CCT7: variants seen among roughly 807,000 people sequenced by gnomAD.
CCT7 encodes chaperonin containing TCP1 subunit 7.
CCT7 carries 16 observed loss-of-function variants against 56.6 expected under a neutral mutation model. That is an observed-to-expected ratio of 0.28 (90% CI 0.19 to 0.43). The LOEUF (loss-of-function observed/expected upper bound fraction) is 0.43, where lower values mean the gene tolerates loss of function less well. CCT7 is among the 20% of genes least tolerant of loss of function. The pLI is 1.00. For missense variants in CCT7, 519 were observed against 685.6 expected (o/e 0.76, Z 2.71); for synonymous variants, 262 against 254.8 (o/e 1.03, Z -0.27).
intron 2 of CCT7, 179 bp from the exon 3 acceptor site, chr2:73,240,258 T>C: frequency 2.3e-6 from 1 of 425,856 alleles, no homozygotes; most frequent in Non-Finnish European, 4.1e-6. Flanking sequence ...AAGCTTGTGA[T>C]TTTAGACCCT....
intron 1 of CCT7, among the ~76,000 whole-genome samples, chr2:73,236,315 A>G (rs1043565836): frequency 6.6e-6 from 1 of 152,064 alleles, no homozygotes; most frequent in Non-Finnish European, 1.5e-5. Flanking sequence ...CCTGTGGCCA[A>G]TTACTGGAGT....
Position 73,234,323 on chromosome 2 carries a change from G to C in CCT7, c.-56G>C. ...TGCGCGAGGCATTGTGGGTTGCTGGGCGGCCCGGTCTCGGAGAAGAGGGGA... is the reference window on the plus strand; with the variant it reads ...TGCGCGAGGCATTGTGGGTTGCTGGCCGGCCCGGTCTCGGAGAAGAGGGGA... On this transcript the variant is annotated 5_prime_UTR_variant, in exon 1 of 12. Coordinates refer to ENST00000258091, the MANE Select transcript of CCT7 (RefSeq NM_006429.4). 1.2e-6 allele frequency: 2 copies of C among 1,611,884 alleles called. No individual in the cohort carries two copies. The highest frequency in any genetic ancestry group is 3.3e-5 in the Admixed American group (2 of 60,028).
Position 73,239,782 on chromosome 2 carries a change from T to C in CCT7, c.146T>C (p.Ile49Thr), listed in dbSNP as rs1687026075. ...GGTCCCCGTGGCATGGACAAGCTTA[T>C]TGTAGATGGCAGAGGTAAGTCTACA... Reference protein sequence around the residue: ...TLGPRGMDKLIVDGRGKATIS... With the variant: ...TLGPRGMDKLTVDGRGKATIS... Residue 49 changes from isoleucine to threonine, a missense_variant, in exon 2 of 12, where the codon ATT becomes ACT. This residue lies in a region of CCT7 where 276 missense variants were observed against 357.3 expected (regional missense o/e 0.77). Coordinates refer to ENST00000258091, the MANE Select transcript of CCT7 (RefSeq NM_006429.4). 1.2e-6 allele frequency: 2 copies of C among 1,613,964 alleles called. No individual in the cohort carries two copies. Among genetic ancestry groups the C allele is most frequent in the South Asian group, 2.2e-5 (2 of 91,076 alleles).
At chr2:73,241,552 A>T (rs1483546074) in intron 3 of CCT7, among the ~76,000 whole-genome samples, 2 of 152,124 alleles carry the variant, frequency 1.3e-5, no homozygotes, top group Non-Finnish European at 2.9e-5. Flanking sequence ...GGAGTTTGAG[A>T]TCAGCCTGGG....
intron 6 of CCT7, among the ~76,000 whole-genome samples, chr2:73,245,635 C>G (rs181537416): frequency 6.6e-6 from 1 of 152,346 alleles, no homozygotes; most frequent in East Asian, 1.9e-4. Flanking sequence ...TTTTCAGTCT[C>G]TGGCCTGCTT....
At chr2:73,238,686 A>G (rs1254795403) in intron 1 of CCT7, among the ~76,000 whole-genome samples, 1 of 152,384 alleles carries the variant, frequency 6.6e-6, no homozygotes, top group East Asian at 1.9e-4. Context: ...GTCACACACA[A>G]AATTAGCCAG....
intron 9 of CCT7, 75 bp downstream of exon 9, chr2:73,249,991 C>T (rs867611537): frequency 2.0e-6 from 2 of 1,021,742 alleles, no homozygotes; most frequent in African/African-American, 3.1e-5. Flanking sequence ...CTGTGGTATA[C>T]AGCTTTTACA....
Position 73,249,101 on chromosome 2 carries a change from G to C in CCT7, c.894G>C (p.Val298=). The C allele has an allele frequency of 6.2e-7, 1 of 1,614,104 alleles. No individual in the cohort carries two copies. The highest frequency in any genetic ancestry group is 1.7e-5 in the Admixed American group (1 of 60,028). ...TGTCCAAACTCCCCATTGGGGATGT[G>C]GCCACCCAGTACTTTGCTGACAGGG... ...VVLSKLPIGD[V]ATQYFADRDM... Residue 298 remains valine (V), a synonymous_variant, in exon 8 of 12, where the codon GTG becomes GTC. Transcript: ENST00000258091.
intron 5 of CCT7, chr2:73,244,264 T>C: frequency 1.6e-6 from 1 of 624,382 alleles, no homozygotes; most frequent in Non-Finnish European, 2.8e-6. Flanking sequence ...GCAATCCCTC[T>C]ATGTGCCTGG....
Position 73,240,419 on chromosome 2 carries a change from T to C in CCT7, c.161-18T>C, listed in dbSNP as rs1687055765. 6.3e-7 allele frequency: 1 copy of C among 1,590,764 alleles called. No individual in the cohort carries two copies. The highest frequency in any genetic ancestry group is 1.1e-5 in the South Asian group (1 of 90,048). ...CATTTAAGAAAGGGGCTTTAGATTT[T>C]TGTTTGTTTCTTTTAAGGCAAAGCA... On this transcript the variant is annotated intron_variant, in intron 2 of 11. Coordinates refer to ENST00000258091, the MANE Select transcript of CCT7 (RefSeq NM_006429.4).
rs769701233 is a variant in CCT7, at chr2:73,252,833, G to A, written c.1604G>A (p.Arg535Gln). 16 of 1,613,746 alleles carry A rather than the reference G, an allele frequency of 9.9e-6. No individual in the cohort carries two copies. Among genetic ancestry groups the A allele is most frequent in the Non-Finnish European group, 1.3e-5 (15 of 1,179,854 alleles). The change falls in exon 12 of 12, where the codon CGG becomes CAG. Residue 535 changes from arginine (R) to glutamine (Q), a missense_variant. By Grantham distance (43) the Arg-to-Gln change is conservative. Around this residue, in one of 3 missense-constraint regions of CCT7, gnomAD observed 237 missense variants for 300.8 expected, o/e 0.79. Coordinates refer to ENST00000258091, the MANE Select transcript of CCT7 (RefSeq NM_006429.4). ...GTGGATGCTCCCACAGCAGCAGGCC[G>A]GGGCCGTGGTCGTGGCCGCCCCCAC... ...STVDAPTAAG[R>Q]GRGRGRPH
At chr2:73,250,565 C>T (rs1687536168) in intron 10 of CCT7, 127 bp downstream of exon 10, 5 of 1,013,988 alleles carry the variant, frequency 4.9e-6, no homozygotes, top group Non-Finnish European at 5.8e-6. Flanking sequence ...GTGTGGTGAG[C>T]CCTGATTTGC....
intron 9 of CCT7, 92 bp from the exon 10 acceptor site, chr2:73,250,214 T>A (rs943149735): frequency 2.0e-6 from 3 of 1,472,460 alleles, no homozygotes; most frequent in Non-Finnish European, 2.8e-6. Context: ...TAAGAGCAGC[T>A]GCTGAGTGTT....
At chr2:73,242,875 T>C (rs979012349) in intron 3 of CCT7, 129 bp from the exon 4 acceptor site, 12 of 1,118,606 alleles carry the variant, frequency 1.1e-5, no homozygotes, top group African/African-American at 1.6e-5. Context: ...AAACCTGTGC[T>C]TCCAGAAAAA....
At chr2:73,240,344 G>T in intron 2 of CCT7, 93 bp from the exon 3 acceptor site, 1 of 789,292 alleles carries the variant, frequency 1.3e-6, no homozygotes. Flanking sequence ...GATCCCCTCT[G>T]CCCCATCCCA....
chr2:73,252,206 G>A (rs1687621517), intron 11 of CCT7, among the ~76,000 whole-genome samples: 1 of 152,024 alleles, frequency 6.6e-6, no homozygotes, highest in African/African-American at 2.4e-5. Context: ...TTTGCTTAAA[G>A]TCACTTTACC....
chr2:73,236,423 C>T (rs867085655), intron 1 of CCT7, among the ~76,000 whole-genome samples: 45 of 152,030 alleles, frequency 3.0e-4, no homozygotes, highest in African/African-American at 1.0e-3. Context: ...CTCACTGCAA[C>T]CTCCATTCCC....
At chr2:73,251,507 C>G in intron 11 of CCT7, 75 bp downstream of exon 11, 1 of 1,346,558 alleles carries the variant, frequency 7.4e-7, no homozygotes, top group Non-Finnish European at 1.0e-6. Flanking sequence ...TGTGCTTACT[C>G]AAGCTGTGCA....
intron 8 of CCT7, among the ~76,000 whole-genome samples, chr2:73,249,596 C>T (rs1013656339): frequency 6.6e-6 from 1 of 152,048 alleles, no homozygotes; most frequent in African/African-American, 2.4e-5. Context: ...GGGTCCCTAT[C>T]TCCTTTTAAC....
Sources: gnomAD v4.1 joint callset for allele counts (sites outside exome capture counted in the v4.1 genomes callset) on GRCh38, gnomAD v4.1.1 for gene constraint, gnomAD v4.1.1 regional missense constraint, MANE v1.5 for transcripts, NCBI Gene and HGNC (gene_info 2026-07-23, HGNC 2026-07-21) for gene names.